Variants in GPC5 observed in about 807,000 individuals in gnomAD.
The protein encoded by GPC5 is glypican-5.
Under a neutral mutation model 53.9 loss-of-function variants are expected in GPC5, and 47 were observed. The ratio of observed to expected loss-of-function variants is 0.87; its 90% CI spans 0.69 to 1.11. The LOEUF is 1.11. Ranked by LOEUF, GPC5 falls within the 50% of genes most tolerant of loss-of-function variation. The pLI is 0.00. For synonymous variants in GPC5, 286 were observed against 263.3 expected (o/e 1.09, Z -0.84); for missense variants, 748 against 713.1 (o/e 1.05, Z -0.56).
intron 2 of GPC5, among the ~76,000 whole-genome samples, chr13:91,495,497 C>T (rs1283484168): frequency 3.3e-5 from 5 of 152,190 alleles, no homozygotes; most frequent in African/African-American, 4.8e-5. Context: ...ATCCATAACT[C>T]CTCTTCACTT....
intron 5 of GPC5, among the ~76,000 whole-genome samples, chr13:91,875,097 T>C (rs1348303004): frequency 6.6e-6 from 1 of 152,192 alleles, no homozygotes; most frequent in East Asian, 1.9e-4. Context: ...TGCAGAGTTG[T>C]TTTAAAGGAA....
intron 5 of GPC5, among the ~76,000 whole-genome samples, chr13:91,773,419 T>C (rs539522927): frequency 3.9e-5 from 6 of 152,220 alleles, no homozygotes; most frequent in African/African-American, 1.4e-4. Context: ...ATAAGGCAAG[T>C]ATCAGTCATA....
chr13:91,817,858 T>C (rs1013099975), intron 5 of GPC5, among the ~76,000 whole-genome samples: 1 of 152,184 alleles, frequency 6.6e-6, no homozygotes, highest in African/African-American at 2.4e-5. Context: ...TTCATTTCTT[T>C]GTGATTAGCT....
intron 2 of GPC5, among the ~76,000 whole-genome samples, chr13:91,466,395 G>A (rs562693546): frequency 6.6e-6 from 1 of 152,164 alleles, no homozygotes; most frequent in East Asian, 1.9e-4. Flanking sequence ...GGGACGTTAT[G>A]GTCCCAAGTT....
At chr13:92,608,270 T>A (rs1277263113) in intron 7 of GPC5, among the ~76,000 whole-genome samples, 1 of 152,178 alleles carries the variant, frequency 6.6e-6, no homozygotes, top group Non-Finnish European at 1.5e-5. Context: ...AACTGTACGT[T>A]GTTATTAACT....
chr13:91,408,441 T>C (rs530129242), intron 1 of GPC5, among the ~76,000 whole-genome samples: 1 of 152,302 alleles, frequency 6.6e-6, no homozygotes, highest in East Asian at 1.9e-4. Context: ...ATTTTCTTTG[T>C]CCATTCATCT....
chr13:91,532,807 G>C (rs528499462), intron 2 of GPC5, among the ~76,000 whole-genome samples: 58 of 152,138 alleles, frequency 3.8e-4, no homozygotes, highest in Non-Finnish European at 7.8e-4. Flanking sequence ...GGAGGTTGCA[G>C]TGAGCCAAGG....
chr13:92,059,250 TC>T, intron 6 of GPC5, among the ~76,000 whole-genome samples: 17 of 151,518 alleles, frequency 1.1e-4, no homozygotes, highest in African/African-American at 3.9e-4. Flanking sequence ...GCAGCACACA[TC>T]TGGAGGGTAA....
intron 3 of GPC5, among the ~76,000 whole-genome samples, chr13:91,696,361 A>G (rs990412625): frequency 6.6e-6 from 1 of 152,148 alleles, no homozygotes; most frequent in Non-Finnish European, 1.5e-5. Context: ...TAAATTATGG[A>G]TTCTTTTCTA....
chr13:91,492,064 C>T (rs1318746169), intron 2 of GPC5, among the ~76,000 whole-genome samples: 2 of 151,968 alleles, frequency 1.3e-5, no homozygotes, highest in African/African-American at 4.8e-5. Flanking sequence ...TATTTTAGCC[C>T]CTATTACATT....
intron 7 of GPC5, among the ~76,000 whole-genome samples, chr13:92,338,996 T>C (rs1362316261): frequency 6.6e-6 from 1 of 152,022 alleles, no homozygotes. Flanking sequence ...AGGAGGTATG[T>C]GGGAAATCTC....
At chr13:91,519,043 T>A (rs1018067088) in intron 2 of GPC5, among the ~76,000 whole-genome samples, 1 of 152,218 alleles carries the variant, frequency 6.6e-6, no homozygotes, top group Admixed American at 6.5e-5. Flanking sequence ...GTGAAAGGAA[T>A]TCATTAACGT....
chr13:92,123,645 C>T (rs554406105), intron 6 of GPC5, among the ~76,000 whole-genome samples: 16 of 152,168 alleles, frequency 1.1e-4, no homozygotes, highest in East Asian at 9.7e-4. Context: ...TTAATGATTA[C>T]GCCTTTACAG....
intron 6 of GPC5, among the ~76,000 whole-genome samples, chr13:91,999,446 A>T (rs1005630719): frequency 1.3e-5 from 2 of 152,166 alleles, no homozygotes; most frequent in Non-Finnish European, 2.9e-5. Flanking sequence ...CATTTTGCTT[A>T]AAATTTTACT....
At chr13:91,617,299 C>A (rs1594337237) in intron 2 of GPC5, among the ~76,000 whole-genome samples, 2 of 151,966 alleles carry the variant, frequency 1.3e-5, no homozygotes, top group South Asian at 4.2e-4. Flanking sequence ...GGGGGGAAGA[C>A]CGTGTAGAGA....
chr13:92,833,263 C>G (rs537025066), intron 7 of GPC5, among the ~76,000 whole-genome samples: 2 of 152,134 alleles, frequency 1.3e-5, no homozygotes, highest in Admixed American at 6.5e-5. Context: ...AAAAGGAAAC[C>G]AGCTGTCCCT....
At chr13:92,692,759 T>TTTTTTG (rs1229883837) in intron 7 of GPC5, among the ~76,000 whole-genome samples, 3 of 142,114 alleles carry the variant, frequency 2.1e-5, no homozygotes, top group African/African-American at 7.9e-5. Context: ...CGGCTATTTT[T>TTTTTTG]TTTTTTTTTT....
intron 7 of GPC5, among the ~76,000 whole-genome samples, chr13:92,255,494 G>A (rs1440373889): frequency 1.3e-5 from 2 of 151,758 alleles, no homozygotes; most frequent in African/African-American, 4.8e-5. Flanking sequence ...GTATAAACTT[G>A]AAAAATAAAA....
intron 7 of GPC5, among the ~76,000 whole-genome samples, chr13:92,761,772 C>T (rs1875185311): frequency 6.6e-6 from 1 of 152,062 alleles, no homozygotes; most frequent in African/African-American, 2.4e-5. Context: ...GTTTCCTGGT[C>T]ATTTTGTAGA....
Sources: allele counts gnomAD v4.1 joint callset (sites outside exome capture counted in the v4.1 genomes callset), GRCh38; gene constraint gnomAD v4.1.1; transcripts MANE v1.5; gene names NCBI Gene and HGNC (gene_info 2026-07-23, HGNC 2026-07-21).